The following PSG3 variants were observed in gnomAD, a reference collection of about 807,000 sequenced individuals.
PSG3 encodes the protein pregnancy-specific beta-1-glycoprotein 3.
PSG3 carries 61 observed loss-of-function variants against 47.5 expected under a neutral mutation model. The observed-to-expected ratio is 1.28, with a 90% confidence interval of 1.05 to 1.59. PSG3 has a LOEUF of 1.59. PSG3 is among the 40% of genes most tolerant of loss of function. The probability of loss-of-function intolerance (pLI) is 0.00; values close to 1 mark genes in which losing one functional copy is unlikely to be tolerated. For missense variants in PSG3, 756 were observed against 524.0 expected (o/e 1.44, Z -4.32); for synonymous variants, 263 against 198.4 (o/e 1.33, Z -2.74).
At chr19:42,730,510 C>T (rs1458806930) in intron 3 of PSG3, among the ~76,000 whole-genome samples, 2 of 152,206 alleles carry the variant, frequency 1.3e-5, no homozygotes, top group Non-Finnish European at 2.9e-5. Flanking sequence ...AATAATGGGA[C>T]TTCCCATGGC....
rs1969335873 is a variant in PSG3, at chr19:42,723,985, T to A, written c.1284A>T (p.Leu428Phe). ...TACAGAAATGACATCACGGCTGCTA[T>A]AATGGATTAAGGCCAGGAAGATGTC... is the stretch of plus-strand genomic sequence containing the variant. ...GTGHLPGLNPL is the reference protein window; with the variant it reads ...GTGHLPGLNPF The change falls in exon 6 of 7, where the codon TTA (leucine) becomes TTT (phenylalanine). Residue 428 changes from leucine to phenylalanine, a missense_variant. By Grantham distance (22) the Leu-to-Phe change is conservative. Coordinates refer to ENST00000327495, the MANE Select transcript of PSG3 (RefSeq NM_021016.4). 2 of 1,610,278 alleles carry A rather than the reference T, an allele frequency of 1.2e-6. No individual in the cohort carries two copies. Among genetic ancestry groups the A allele is most frequent in the Admixed American group, 1.7e-5 (1 of 59,998 alleles).
At chr19:42,740,003 C>G (rs1437174337) in intron 1 of PSG3, among the ~76,000 whole-genome samples, 1 of 150,998 alleles carries the variant, frequency 6.6e-6, no homozygotes, top group African/African-American at 2.4e-5. Context: ...CCCAGGCTGG[C>G]GTGCAGTGGC....
In PSG3 at chr19:42,729,849, C is replaced by G; in HGVS notation, c.917G>C (p.Gly306Ala). 1 of 1,613,372 alleles carries G rather than the reference C, an allele frequency of 6.2e-7. No individual in the cohort carries two copies. Among genetic ancestry groups the G allele is most frequent in the Non-Finnish European group, 8.5e-7 (1 of 1,179,842 alleles). ...GTCCTGTATTTCACATTGATAGGGT[C>G]CTGTTTCATTTCTCGTGACACTGGG... ...ILPSVTRNET[G>A]PYQCEIQDRY... Residue 306 changes from glycine to alanine, a missense_variant, in exon 4 of 7, where the codon GGA (glycine) becomes GCA (alanine). Transcript: ENST00000327495.
Position 42,740,418 on chromosome 19 carries a change from G to C in PSG3, c.-34C>G. On this transcript the variant is annotated 5_prime_UTR_variant, in exon 1 of 7. Transcript: ENST00000327495. ...CTGCCTGCGTGTTCTCCTCTGTGGA[G>C]CTGAGCCTAGGATCCAGAAACTTCC... 6.2e-7 allele frequency: 1 copy of C among 1,613,924 alleles called. No homozygotes were observed. The highest frequency in any genetic ancestry group is 1.1e-5 in the South Asian group (1 of 91,066).
intron 5 of PSG3, among the ~76,000 whole-genome samples, chr19:42,727,611 A>G (rs879441856): frequency 1.6e-4 from 25 of 152,218 alleles, no homozygotes; most frequent in Non-Finnish European, 2.2e-4. Flanking sequence ...CAATGACAGC[A>G]ACACAAAACA....
chr19:42,724,518 T>C (rs1373399835), intron 5 of PSG3, among the ~76,000 whole-genome samples: 3 of 152,180 alleles, frequency 2.0e-5, no homozygotes, highest in Non-Finnish European at 4.4e-5. Context: ...GCAAGTCTAG[T>C]TCTCTGAGGC....
chr19:42,736,927 G>A (rs1273182021), intron 2 of PSG3, among the ~76,000 whole-genome samples: 1 of 152,168 alleles, frequency 6.6e-6, no homozygotes, highest in Admixed American at 6.5e-5. Context: ...GAACTGAACA[G>A]TCAGCCTAGT....
intron 2 of PSG3, among the ~76,000 whole-genome samples, chr19:42,735,558 G>A (rs543362313): frequency 8.5e-5 from 13 of 152,216 alleles, no homozygotes; most frequent in African/African-American, 1.4e-4. Flanking sequence ...AGTAGAGACG[G>A]GGTTTCACCA....
intron 3 of PSG3, among the ~76,000 whole-genome samples, chr19:42,730,761 G>A (rs1414716954): frequency 2.6e-5 from 4 of 152,232 alleles, no homozygotes; most frequent in African/African-American, 9.6e-5. Flanking sequence ...AGAGCTGGTG[G>A]CTTTGGAGCA....
intron 2 of PSG3, among the ~76,000 whole-genome samples, chr19:42,734,434 C>T (rs1425891304): frequency 6.6e-6 from 1 of 152,132 alleles, no homozygotes; most frequent in Non-Finnish European, 1.5e-5. Context: ...TTCCGATGCT[C>T]AATTTGTAAT....
At chr19:42,732,206 C>G (rs1417717530) in intron 3 of PSG3, 2 of 162,054 alleles carry the variant, frequency 1.2e-5, no homozygotes, top group South Asian at 1.7e-4. Flanking sequence ...ATAGACCCCT[C>G]TATATGTTTT....
At chr19:42,739,114 C>T (rs12185499) in intron 1 of PSG3, 25 bp from the exon 2 acceptor site, 119,889 of 1,565,998 alleles carry the variant, frequency 0.077, 7,308 homozygotes, top group African/African-American at 0.29. Context: ...GAGCATCAGT[C>T]AATATTGAGA....
At chr19:42,728,510 C>T (rs1364074415) in intron 5 of PSG3, among the ~76,000 whole-genome samples, 3 of 152,126 alleles carry the variant, frequency 2.0e-5, no homozygotes, top group Admixed American at 6.5e-5. Flanking sequence ...CAGCCTGGCC[C>T]GGGGGAGGCT....
At chr19:42,727,552 C>G (rs1392455898) in intron 5 of PSG3, among the ~76,000 whole-genome samples, 3 of 152,168 alleles carry the variant, frequency 2.0e-5, no homozygotes, top group Non-Finnish European at 4.4e-5. Flanking sequence ...ATCAAAACCA[C>G]ATTGTTACAC....
intron 1 of PSG3, 131 bp downstream of exon 1, chr19:42,740,190 G>T (rs1443094344): frequency 5.7e-6 from 9 of 1,566,960 alleles, no homozygotes; most frequent in African/African-American, 1.4e-5. Context: ...CTGATCTCGT[G>T]ATCCACCCTC....
At chr19:42,737,661 T>C (rs975026697) in intron 2 of PSG3, among the ~76,000 whole-genome samples, 2 of 152,136 alleles carry the variant, frequency 1.3e-5, no homozygotes, top group African/African-American at 4.8e-5. Flanking sequence ...TTTGAGCCAA[T>C]AAATGACTAT....
chr19:42,729,660 C>G, intron 4 of PSG3, 118 bp downstream of exon 4: 1 of 1,551,488 alleles, frequency 6.4e-7, no homozygotes, highest in South Asian at 1.3e-5. Flanking sequence ...ATGGCCAGCT[C>G]GGATGTCCAG....
intron 5 of PSG3, among the ~76,000 whole-genome samples, chr19:42,728,275 C>G (rs138398585): frequency 2.0e-5 from 3 of 152,052 alleles, no homozygotes; most frequent in African/African-American, 7.2e-5. Context: ...ATAAAGTGTC[C>G]AGTAGTCTTA....
At chr19:42,734,745 T>G (rs1200574007) in intron 2 of PSG3, among the ~76,000 whole-genome samples, 1 of 152,154 alleles carries the variant, frequency 6.6e-6, no homozygotes, top group East Asian at 1.9e-4. Context: ...ACAGAACTGG[T>G]TAGTGTGTCA....
Sources: allele counts gnomAD v4.1 joint callset (sites outside exome capture counted in the v4.1 genomes callset), GRCh38; gene constraint gnomAD v4.1.1; transcripts MANE v1.5; gene names NCBI Gene and HGNC (gene_info 2026-07-23, HGNC 2026-07-21).